Variants in KCNT1 observed in about 807,000 individuals in gnomAD.
The protein encoded by KCNT1 is potassium channel subfamily T member 1.
A neutral mutation model predicts 147.8 loss-of-function variants in KCNT1; 78 were observed. The observed-to-expected ratio is 0.53, with a 90% CI of 0.44 to 0.64. KCNT1 has a LOEUF of 0.64. Among genes scored for constraint, KCNT1 ranks in the 30% least tolerant of loss-of-function variants. The probability of loss-of-function intolerance (pLI) is 0.00; values close to 1 mark genes in which losing one functional copy is unlikely to be tolerated. For synonymous variants in KCNT1, 867 were observed against 748.8 expected, an observed-to-expected ratio of 1.16 and a Z score of -2.58; for missense variants, 1,419 against 1,750.3, an observed-to-expected ratio of 0.81 and a Z score of 3.38.
At chr9:135,749,419 G>A (rs1472798101) in intron 2 of KCNT1, among the ~76,000 whole-genome samples, 6 of 152,192 alleles carry the variant, frequency 3.9e-5, no homozygotes, top group African/African-American at 9.6e-5. Flanking sequence ...CATGAGCAGC[G>A]GCGTGCATGG....
intron 24 of KCNT1, among the ~76,000 whole-genome samples, chr9:135,781,757 G>A (rs1475287239): frequency 6.6e-6 from 1 of 152,178 alleles, no homozygotes; most frequent in Non-Finnish European, 1.5e-5. Flanking sequence ...GAAGGAAAAA[G>A]GGAGGAGGTG....
chr9:135,777,120 CT>C (rs1208619780), intron 20 of KCNT1, among the ~76,000 whole-genome samples: 15 of 151,438 alleles, frequency 9.9e-5, no homozygotes, highest in African/African-American at 3.7e-4. Context: ...CTTTCCACCC[CT>C]GACATGACTG....
chr9:135,784,392 C>T, intron 25 of KCNT1, 143 bp from the exon 26 acceptor site: 3 of 679,104 alleles, frequency 4.4e-6, no homozygotes, highest in Non-Finnish European at 7.8e-6. Flanking sequence ...CCTGGTGGTT[C>T]TGTGTGTGTG....
chr9:135,788,277 A>ACGTCCCAGGTGT, intron 29 of KCNT1: 1 of 884,414 alleles, frequency 1.1e-6, no homozygotes, highest in East Asian at 2.4e-5. Context: ...CTGTGAGAGC[A>ACGTCCCAGGTGT]CGTCCCAGGT....
At chr9:135,785,440 G>C (rs1011010773) in intron 28 of KCNT1, 110 bp downstream of exon 28, 2 of 1,195,530 alleles carry the variant, frequency 1.7e-6, no homozygotes, top group Admixed American at 2.7e-5. Flanking sequence ...CAGGGCCCTG[G>C]GAAAGCCGAG....
Position 135,776,666 on chromosome 9 carries a change from G to A in KCNT1, c.2350-672G>A, listed in dbSNP as rs148714930. On this transcript the variant is annotated intron_variant, in intron 20 of 30. Coordinates refer to ENST00000371757, the MANE Select transcript of KCNT1 (RefSeq NM_020822.3). ...TTCCCCATGTGTGTGTGTCCTTCAC[G>A]GACCACAGGCTCCCAGCATATTCTG... Among the ~76,000 whole-genome samples, 323 of 152,318 alleles carry A rather than the reference G, an allele frequency of 2.1e-3. 2 individuals are homozygous for A. Among genetic ancestry groups the A allele is most frequent in the African/African-American group, 7.4e-3 (306 of 41,564 alleles).
intron 2 of KCNT1, among the ~76,000 whole-genome samples, chr9:135,744,852 C>T (rs1830738343): frequency 6.6e-6 from 1 of 152,238 alleles, no homozygotes. Flanking sequence ...CGCACATGCC[C>T]ATGAGTCTCA....
chr9:135,756,696 G>C (rs1004399780), intron 6 of KCNT1, among the ~76,000 whole-genome samples, 177 bp from the exon 7 acceptor site: 1 of 152,122 alleles, frequency 6.6e-6, no homozygotes. Flanking sequence ...CTCGGCCCTG[G>C]CGGGGGTCAG....
At chr9:135,741,989 G>A (rs747565233) in intron 2 of KCNT1, among the ~76,000 whole-genome samples, 9 of 147,574 alleles carry the variant, frequency 6.1e-5, no homozygotes, top group East Asian at 4.3e-4. Context: ...CTCTCTCTCC[G>A]AGTTCCGAAT....
intron 2 of KCNT1, among the ~76,000 whole-genome samples, chr9:135,747,198 T>C (rs1037457911): frequency 6.7e-6 from 1 of 149,728 alleles, no homozygotes; most frequent in Non-Finnish European, 1.5e-5. Flanking sequence ...GCCCAGGGAG[T>C]AGAGGAGATT....
chr9:135,714,726 G>T lies in KCNT1; in HGVS notation c.254+6G>T. ...TCCTTCCAGAACGACGACAGGTAGGGACCGGGCGCGGGGTGGGGGCTGGGG... is the reference window on the plus strand; with the variant it reads ...TCCTTCCAGAACGACGACAGGTAGGTACCGGGCGCGGGGTGGGGGCTGGGG... On this transcript the variant is annotated splice_donor_region_variant and intron_variant, in intron 2 of 30. Transcript: ENST00000371757. This position sits in a 1 kb window ranked among gnomAD's most constrained non-coding sequence, Gnocchi z 6.2. 1 of 1,381,366 alleles carries T rather than the reference G, an allele frequency of 7.2e-7. No homozygotes were observed. The allele number at this position is 1,381,366 out of a possible 1,614,324, so 85.6% of individuals were successfully genotyped here.
chr9:135,769,450 C>T (rs1400639413), intron 15 of KCNT1, among the ~76,000 whole-genome samples: 3 of 152,176 alleles, frequency 2.0e-5, no homozygotes, highest in Non-Finnish European at 4.4e-5. Flanking sequence ...GACCCCCATC[C>T]TCACCGCATC....
intron 19 of KCNT1, 150 bp from the exon 20 acceptor site, chr9:135,775,160 C>A (rs73557237): frequency 6.7e-4 from 372 of 553,704 alleles, no homozygotes; most frequent in African/African-American, 6.6e-3. Flanking sequence ...AAGGGAAGAA[C>A]GGGCCACCTT....
intron 2 of KCNT1, among the ~76,000 whole-genome samples, chr9:135,721,541 C>G (rs921381988): frequency 2.0e-5 from 3 of 152,182 alleles, no homozygotes; most frequent in Admixed American, 2.0e-4. Context: ...GGGGAGGGTG[C>G]CGGCCATGCG....
At chr9:135,756,087 G>T (rs2131431448) in intron 6 of KCNT1, among the ~76,000 whole-genome samples, 1 of 151,540 alleles carries the variant, frequency 6.6e-6, no homozygotes, top group African/African-American at 2.4e-5. Flanking sequence ...GGCTCAGTAA[G>T]CAGGGAAACC....
intron 4 of KCNT1, chr9:135,753,617 G>A: frequency 2.1e-6 from 1 of 472,152 alleles, no homozygotes; most frequent in East Asian, 3.5e-5. Context: ...AGCACAGGCA[G>A]AACCAGTGTG....
chr9:135,785,828 G>T (rs1834001883), intron 28 of KCNT1: 5 of 428,312 alleles, frequency 1.2e-5, no homozygotes, highest in East Asian at 4.9e-5. Flanking sequence ...CGCAGAGGGG[G>T]TGACCTCTCA....
chr9:135,791,750 GGGGCA>G, intron 29 of KCNT1, 42 bp from the exon 30 acceptor site: 1 of 1,537,700 alleles, frequency 6.5e-7, no homozygotes, highest in Non-Finnish European at 9.0e-7. Context: ...AGAGCTGGGA[GGGGCA>G]GGGCTGGGGG....
At chr9:135,772,449 T>C (rs1832820526) in intron 18 of KCNT1, among the ~76,000 whole-genome samples, 1 of 152,040 alleles carries the variant, frequency 6.6e-6, no homozygotes, top group Admixed American at 6.5e-5. Flanking sequence ...CATCTGGTGC[T>C]GAGGCCACAG....
Sources: gnomAD v4.1 joint callset for allele counts (sites outside exome capture counted in the v4.1 genomes callset) on GRCh38, gnomAD v4.1.1 for gene constraint, Gnocchi (gnomAD v3.1) non-coding constraint, MANE v1.5 for transcripts, NCBI Gene and HGNC (gene_info 2026-07-23, HGNC 2026-07-21) for gene names.